The following CAMK1D variants were observed in gnomAD, a reference collection of about 807,000 sequenced individuals.
The protein encoded by CAMK1D is calcium/calmodulin dependent protein kinase ID.
In CAMK1D, 9 loss-of-function variants were observed where a neutral mutation model predicts 47.7. That is an observed-to-expected ratio of 0.19 (90% CI 0.11 to 0.33). CAMK1D has a LOEUF of 0.33. CAMK1D is among the 10% of genes least tolerant of loss of function. CAMK1D has a pLI of 1.00. For synonymous variants in CAMK1D, 184 were observed against 184.9 expected (o/e 0.99, Z 0.04); for missense variants, 291 against 488.7 (o/e 0.60, Z 3.81).
At chr10:12,365,259 C>G (rs1837797598) in intron 1 of CAMK1D, among the ~76,000 whole-genome samples, 2 of 151,630 alleles carry the variant, frequency 1.3e-5, no homozygotes, top group African/African-American at 4.8e-5. Flanking sequence ...CCGGCCTATC[C>G]TCTCTGAGTC....
chr10:12,612,605 G>C (rs1272200085), intron 2 of CAMK1D, among the ~76,000 whole-genome samples: 1 of 152,126 alleles, frequency 6.6e-6, no homozygotes, highest in Non-Finnish European at 1.5e-5. Flanking sequence ...TTCCCCGGTT[G>C]TTCCTAGTAG....
In CAMK1D at chr10:12,366,679, A is replaced by G. The variant is rs1325448285; in HGVS notation, c.92+16769A>G. 5.3e-5 allele frequency among the ~76,000 whole-genome samples: 8 copies of G among 151,948 alleles called. No homozygotes were observed. In the East Asian group the frequency reaches 5.8e-4, roughly 11 times the overall value. On this transcript the variant is annotated intron_variant, in intron 1 of 10. Coordinates refer to ENST00000619168, the MANE Select transcript of CAMK1D (RefSeq NM_153498.4). ...GTCTTAAAAAAAAAAAGAAGAGTCA[A>G]TCATTGGCTGGATGGATCCTGGGCA...
At chr10:12,726,677 C>G (rs115612025) in intron 3 of CAMK1D, among the ~76,000 whole-genome samples, 2,423 of 152,306 alleles carry the variant, frequency 0.016, 38 homozygotes, top group African/African-American at 0.038. Flanking sequence ...AATTCTCACA[C>G]TAGTTCCATG....
chr10:12,701,084 T>A (rs144273838), intron 3 of CAMK1D, among the ~76,000 whole-genome samples: 1 of 152,234 alleles, frequency 6.6e-6, no homozygotes, highest in Non-Finnish European at 1.5e-5. Context: ...ATATTTCCAC[T>A]TTTAAGTTGC....
At chr10:12,357,322 C>CTT (rs1318773568) in intron 1 of CAMK1D, among the ~76,000 whole-genome samples, 2 of 145,480 alleles carry the variant, frequency 1.4e-5, no homozygotes, top group Admixed American at 6.9e-5. Context: ...CAGGTGTTTG[C>CTT]TTTTTTTTTT....
chr10:12,705,810 G>A lies in CAMK1D; in HGVS notation c.299+39000G>A, dbSNP rs183747891. 5.4e-3 allele frequency among the ~76,000 whole-genome samples: 817 copies of A among 152,334 alleles called. 14 individuals are homozygous for A. Among genetic ancestry groups the A allele is most frequent in the Non-Finnish European group, 2.1e-3 (146 of 68,034 alleles). Reference sequence around the variant, plus strand: ...TAGTCTAAGAGGAGCAATATCTCACGTCGCTGGAGTGTCTAGGGACAAGAA... The same window carrying A: ...TAGTCTAAGAGGAGCAATATCTCACATCGCTGGAGTGTCTAGGGACAAGAA... On this transcript the variant is annotated intron_variant, in intron 3 of 10. Transcript: ENST00000619168.
At chr10:12,800,371 CATATT>C (rs1391460437) in intron 6 of CAMK1D, among the ~76,000 whole-genome samples, 5 of 152,286 alleles carry the variant, frequency 3.3e-5, no homozygotes, top group Admixed American at 6.5e-5. Context: ...TAAAGTCTGT[CATATT>C]ATACAGAGTA....
intron 3 of CAMK1D, among the ~76,000 whole-genome samples, chr10:12,684,587 A>G (rs530542384): frequency 1.3e-5 from 2 of 152,326 alleles, no homozygotes; most frequent in South Asian, 2.1e-4. Context: ...GTTTTAACAT[A>G]ATTTTTAAGT....
chr10:12,377,785 C>G (rs1384178240), intron 1 of CAMK1D, among the ~76,000 whole-genome samples: 2 of 152,178 alleles, frequency 1.3e-5, no homozygotes, highest in Non-Finnish European at 2.9e-5. Flanking sequence ...GACAGATGAT[C>G]TGGCATGATG....
chr10:12,766,670 A>T (rs1424045165), intron 4 of CAMK1D, among the ~76,000 whole-genome samples: 1 of 152,100 alleles, frequency 6.6e-6, no homozygotes, highest in Non-Finnish European at 1.5e-5. Context: ...ACTATCTGCA[A>T]AATAATTTCT....
At chr10:12,545,152 T>C (rs934491140) in intron 1 of CAMK1D, among the ~76,000 whole-genome samples, 6 of 77,104 alleles carry the variant, frequency 7.8e-5, no homozygotes, top group Admixed American at 4.6e-4. Flanking sequence ...ATGGGATAGG[T>C]AATGTACGTT....
chr10:12,484,316 C>T (rs60083294), intron 1 of CAMK1D, among the ~76,000 whole-genome samples: 4,421 of 152,304 alleles, frequency 0.029, 210 homozygotes, highest in African/African-American at 0.1. Flanking sequence ...GTTTCACCTC[C>T]AGATACAGGA....
At chr10:12,491,750 A>T (rs755562173) in intron 1 of CAMK1D, among the ~76,000 whole-genome samples, 3 of 152,002 alleles carry the variant, frequency 2.0e-5, no homozygotes, top group Non-Finnish European at 4.4e-5. Context: ...AAAGCCCTGT[A>T]GCCACGATTC....
intron 2 of CAMK1D, among the ~76,000 whole-genome samples, chr10:12,666,076 G>A (rs1840419946): frequency 6.6e-6 from 1 of 152,132 alleles, no homozygotes; most frequent in African/African-American, 2.4e-5. Flanking sequence ...TTCCTGCTAA[G>A]CTCTTTGTAG....
At chr10:12,642,682 T>C (rs1216353875) in intron 2 of CAMK1D, among the ~76,000 whole-genome samples, 1 of 152,224 alleles carries the variant, frequency 6.6e-6, no homozygotes, top group Non-Finnish European at 1.5e-5. Context: ...ACTGATTTCT[T>C]TTTTTTCACA....
chr10:12,358,999 CA>C (rs1837587762), intron 1 of CAMK1D, among the ~76,000 whole-genome samples: 1 of 152,106 alleles, frequency 6.6e-6, no homozygotes, highest in Non-Finnish European at 1.5e-5. Flanking sequence ...ATGGTTTCAG[CA>C]ATCATAAACA....
At chr10:12,819,258 G>A (rs529424536) in intron 8 of CAMK1D, among the ~76,000 whole-genome samples, 4 of 152,334 alleles carry the variant, frequency 2.6e-5, no homozygotes, top group Middle Eastern at 3.4e-3. Flanking sequence ...CCAGGCCAGC[G>A]GGAAGAGGAG....
At chr10:12,804,115 T>C (rs754575061) in intron 6 of CAMK1D, among the ~76,000 whole-genome samples, 8 of 152,134 alleles carry the variant, frequency 5.3e-5, no homozygotes, top group Non-Finnish European at 1.2e-4. Context: ...GTGGATGCCA[T>C]TGGCCATCAG....
At chr10:12,373,361 G>C (rs1036777323) in intron 1 of CAMK1D, among the ~76,000 whole-genome samples, 1 of 151,646 alleles carries the variant, frequency 6.6e-6, no homozygotes, top group Non-Finnish European at 1.5e-5. Flanking sequence ...TCCAGGTGCT[G>C]TGGTGCACGC....
Sources: gnomAD v4.1 joint callset for allele counts (sites outside exome capture counted in the v4.1 genomes callset) on GRCh38, gnomAD v4.1.1 for gene constraint, MANE v1.5 for transcripts, NCBI Gene and HGNC (gene_info 2026-07-23, HGNC 2026-07-21) for gene names.